The following TP73 variants were observed in gnomAD, a reference collection of about 807,000 sequenced individuals.
The protein encoded by TP73 is tumor protein p73.
Under a neutral mutation model 62.5 loss-of-function variants are expected in TP73, and 25 were observed. That is an observed-to-expected ratio of 0.40 (90% confidence interval 0.29 to 0.56). TP73 has a LOEUF of 0.56. TP73 is among the 20% of genes least tolerant of loss of function. The probability of loss-of-function intolerance (pLI) is 0.46; values close to 1 mark genes in which losing one functional copy is unlikely to be tolerated. For missense variants in TP73, 754 were observed against 913.3 expected (o/e 0.83, Z 2.25); for synonymous variants, 423 against 377.5 (o/e 1.12, Z -1.40).
In TP73 at chr1:3,727,708, A is replaced by G; in HGVS notation, c.923A>G (p.His308Arg). Reference sequence around the variant, plus strand: ...CGCGACCGAAAAGCTGATGAGGACCACTACCGGGAGCAGCAGGCCCTGAAC... The same window carrying G: ...CGCGACCGAAAAGCTGATGAGGACCGCTACCGGGAGCAGCAGGCCCTGAAC... ...PGRDRKADED[H>R]YREQQALNES... Residue 308 changes from histidine to arginine, a missense_variant, in exon 8 of 14, where the codon CAC becomes CGC. By Grantham distance (29) the His-to-Arg change is conservative. Transcript: ENST00000378295. The G allele has an allele frequency of 6.3e-7, 1 of 1,579,460 alleles. No individual in the cohort carries two copies. Among genetic ancestry groups the G allele is most frequent in the Non-Finnish European group, 8.6e-7 (1 of 1,164,602 alleles).
rs1261732478 is a variant in TP73 at position 3,733,336 on chromosome 1, C to T, written c.*257C>T. ...GCTGGGCTTGTGGGGCGGGGGCTGG[C>T]CCACTCTCAGCCCTGCCACTGCCCC... On this transcript the variant is annotated 3_prime_UTR_variant, in exon 14 of 14. Coordinates refer to ENST00000378295, the MANE Select transcript of TP73 (RefSeq NM_005427.4). 1 of 559,492 alleles carries T rather than the reference C, an allele frequency of 1.8e-6. No homozygotes were observed. Among genetic ancestry groups the T allele is most frequent in the African/African-American group, 1.9e-5 (1 of 53,156 alleles). 34.7% of individuals were successfully genotyped at this position (559,492 alleles called of 1,614,324 possible).
At chr1:3,687,821 CG>C (rs371585881) in intron 3 of TP73, among the ~76,000 whole-genome samples, 2 of 152,278 alleles carry the variant, frequency 1.3e-5, no homozygotes, top group African/African-American at 2.4e-5. Context: ...GGCCACAGAG[CG>C]GGGTCTACAG....
intron 4 of TP73, among the ~76,000 whole-genome samples, chr1:3,720,568 G>A (rs1640988458): frequency 6.6e-6 from 1 of 152,222 alleles, no homozygotes; most frequent in South Asian, 2.1e-4. Context: ...AGAGGGGACC[G>A]CTCCCACTGC....
chr1:3,726,067 T>G (rs1570623686), intron 6 of TP73, among the ~76,000 whole-genome samples: 2 of 29,088 alleles, frequency 6.9e-5, no homozygotes, highest in Admixed American at 5.1e-4. Context: ...GGTGGGTGGG[T>G]GGATGGATGG....
chr1:3,717,401 C>T (rs557683986), intron 4 of TP73, among the ~76,000 whole-genome samples: 1 of 152,344 alleles, frequency 6.6e-6, no homozygotes, highest in African/African-American at 2.4e-5. Context: ...TGGGCAAACC[C>T]TTTCCTGCAA....
intron 1 of TP73, among the ~76,000 whole-genome samples, chr1:3,660,906 T>C (rs1168754652): frequency 6.6e-6 from 1 of 152,244 alleles, no homozygotes; most frequent in Non-Finnish European, 1.5e-5. Flanking sequence ...TCCTGTGGTG[T>C]ATACTTTCAC....
At chr1:3,667,516 C>T (rs769173402) in intron 1 of TP73, among the ~76,000 whole-genome samples, 4 of 152,060 alleles carry the variant, frequency 2.6e-5, no homozygotes, top group Non-Finnish European at 5.9e-5. Context: ...TTTGGGAGGC[C>T]GAGGCGGGTG....
At chr1:3,721,150 C>T (rs534952695) in intron 4 of TP73, among the ~76,000 whole-genome samples, 1 of 152,344 alleles carries the variant, frequency 6.6e-6, no homozygotes, top group African/African-American at 2.4e-5. Context: ...GCGGCCTCAG[C>T]GGGGTCACTT....
chr1:3,710,087 A>G (rs2146659), intron 4 of TP73, among the ~76,000 whole-genome samples: 50,163 of 151,434 alleles, frequency 0.33, 8,781 homozygotes, highest in Non-Finnish European at 0.38. Context: ...CAGACCAGGC[A>G]TCCCGGGCTG....
At position 3,707,629 on chromosome 1, in the gene TP73, C is replaced by G; in HGVS notation, c.267C>G (p.His89Gln). 1 of 1,612,948 alleles carries G rather than the reference C, an allele frequency of 6.2e-7. No homozygotes were observed. Among genetic ancestry groups the G allele is most frequent in the Non-Finnish European group, 8.5e-7 (1 of 1,179,926 alleles). The change falls in exon 4 of 14, where the codon CAC (histidine) becomes CAG (glutamine). Residue 89 changes from histidine to glutamine, a missense_variant. Physicochemically the swap from His to Gln is conservative, Grantham distance 24 (BLOSUM62 0). This residue lies in a region of TP73 where 235 missense variants were observed against 251.4 expected (regional missense o/e 0.93). Transcript: ENST00000378295. The stretch of plus-strand genomic sequence containing the variant: ...CGGCCAGCCCCTACACCCCAGAGCA[C>G]GCCGCCAGCGTGCCCACCCACTCGC... ...AASASPYTPEHAASVPTHSPY... is the reference protein window; with the variant it reads ...AASASPYTPEQAASVPTHSPY...
chr1:3,679,329 T>C (rs950697871), intron 1 of TP73, among the ~76,000 whole-genome samples: 1 of 152,236 alleles, frequency 6.6e-6, no homozygotes, highest in African/African-American at 2.4e-5. Flanking sequence ...CGCGGAGGGA[T>C]GCCCCGTGCA....
At chr1:3,698,073 C>T (rs758750175) in intron 3 of TP73, 6 of 985,446 alleles carry the variant, frequency 6.1e-6, no homozygotes, top group Non-Finnish European at 7.2e-6. Context: ...GTCCAGGAAG[C>T]CCTGCTAAGC....
rs1641798973 is a variant in TP73, at chr1:3,727,821, CAT to C, written c.985+52_985+53del. On this transcript the variant is annotated intron_variant, in intron 8 of 13. Transcript: ENST00000378295. ...ACGCGTGTGGGAGGAGAAGGGGACA[CAT>C]TGGCAGGACACAATGTGAGCCCGCG... is the stretch of plus-strand genomic sequence containing the variant. The C allele has an allele frequency of 2.0e-6, 3 of 1,478,934 alleles. No homozygotes were observed. In the East Asian group the frequency reaches 7.4e-5, roughly 37 times the overall value. 91.6% of individuals were successfully genotyped at this position (1,478,934 alleles called of 1,614,324 possible). A position where few individuals can be genotyped will look rare whatever the true frequency, so the allele number is the denominator to read the frequency against.
chr1:3,728,074 G>A, intron 8 of TP73, 55 bp from the exon 9 acceptor site: 1 of 1,528,534 alleles, frequency 6.5e-7, no homozygotes, highest in Admixed American at 1.8e-5. Flanking sequence ...CCCGGAAGGA[G>A]GCCTCACCCT....
At chr1:3,671,784 G>A (rs1461060439) in intron 1 of TP73, among the ~76,000 whole-genome samples, 1 of 152,218 alleles carries the variant, frequency 6.6e-6, no homozygotes, top group Non-Finnish European at 1.5e-5. Flanking sequence ...AGGCAACCCT[G>A]AGAGCCAGCG....
At position 3,672,465 on chromosome 1, in the gene TP73, G is replaced by A. The variant is rs564026048; in HGVS notation, c.-33-9868G>A. Among the ~76,000 whole-genome samples, 4 of 152,146 alleles carry A rather than the reference G, an allele frequency of 2.6e-5. No homozygotes were observed. The highest frequency in any genetic ancestry group is 1.9e-4 in the East Asian group (1 of 5,170). On this transcript the variant is annotated intron_variant, in intron 1 of 13. Transcript: ENST00000378295. The surrounding 1 kb of genome is among the most constrained non-coding windows in gnomAD (Gnocchi z 5.3). Reference sequence around the variant, plus strand: ...AGAACGAGGCTGTGGCAGCTCCAGCGAAGGCGGCTGCGGCCCCATCAGTCA... The same window carrying A: ...AGAACGAGGCTGTGGCAGCTCCAGCAAAGGCGGCTGCGGCCCCATCAGTCA...
At chr1:3,705,551 A>G (rs1057278013) in intron 3 of TP73, among the ~76,000 whole-genome samples, 1 of 152,244 alleles carries the variant, frequency 6.6e-6, no homozygotes, top group Non-Finnish European at 1.5e-5. Flanking sequence ...CTTGCAGTGG[A>G]GCCAGGGCAC....
chr1:3,722,370 T>C (rs1641140675), intron 5 of TP73, among the ~76,000 whole-genome samples, 163 bp downstream of exon 5: 1 of 152,186 alleles, frequency 6.6e-6, no homozygotes, highest in South Asian at 2.1e-4. Context: ...ATTTTCCCAG[T>C]TCTGAGTGGG....
chr1:3,683,246 C>T, intron 3 of TP73, 66 bp downstream of exon 3: 1 of 1,518,834 alleles, frequency 6.6e-7, no homozygotes, highest in Non-Finnish European at 8.9e-7. Flanking sequence ...CCTGTCCTGT[C>T]TTGGGAGCCT....
Sources: gnomAD v4.1 joint callset for allele counts (sites outside exome capture counted in the v4.1 genomes callset) on GRCh38, gnomAD v4.1.1 for gene constraint, gnomAD v4.1.1 regional missense constraint, Gnocchi (gnomAD v3.1) non-coding constraint, MANE v1.5 for transcripts, NCBI Gene and HGNC (gene_info 2026-07-23, HGNC 2026-07-21) for gene names.